Variants in ABLIM2 observed in about 807,000 individuals in gnomAD.
ABLIM2 encodes the protein actin-binding LIM protein 2.
Under a neutral mutation model 97.7 loss-of-function variants are expected in ABLIM2, and 53 were observed. The ratio of observed to expected loss-of-function variants is 0.54; its 90% CI spans 0.44 to 0.68. The LOEUF is 0.68. Ranked by LOEUF, ABLIM2 falls within the 30% of genes least tolerant of loss-of-function variation. ABLIM2 has a pLI of 0.00. For missense variants in ABLIM2, 835 were observed against 867.2 expected, an observed-to-expected ratio of 0.96 and a Z score of 0.47; for synonymous variants, 361 against 345.8, an observed-to-expected ratio of 1.04 and a Z score of -0.49.
At position 8,150,085 on chromosome 4, in the gene ABLIM2, G is replaced by A. The variant is rs1328004733; in HGVS notation, c.10+8595C>T. Among the ~76,000 whole-genome samples the A allele has an allele frequency of 6.6e-6, 1 of 152,202 alleles. No individual in the cohort carries two copies. The highest frequency in any genetic ancestry group is 1.5e-5 in the Non-Finnish European group (1 of 68,040). ...AGGGAGCCTAAATGGAGAGAGTTGT[G>A]GGGCAAAGGGGTTGGAACATCATGA... On this transcript the variant is annotated intron_variant, in intron 1 of 20. Transcript: ENST00000447017. The surrounding 1 kb of genome is among the most constrained non-coding windows in gnomAD (Gnocchi z 6.3).
Position 7,992,858 on chromosome 4 carries a change from G to A in ABLIM2, c.1680+8C>T. On this transcript the variant is annotated splice_region_variant and intron_variant, in intron 17 of 20. Transcript: ENST00000447017. This position sits in a 1 kb window ranked among gnomAD's most constrained non-coding sequence, Gnocchi z 5.7. Reference sequence around the variant, plus strand: ...GTACCCTGTGGCCAGGGAGGGGTCAGTACCTACCCGCTGGTCCAAGCCATT... The same window carrying A: ...GTACCCTGTGGCCAGGGAGGGGTCAATACCTACCCGCTGGTCCAAGCCATT... The A allele has an allele frequency of 1.2e-6, 2 of 1,611,904 alleles. No homozygotes were observed. The highest frequency in any genetic ancestry group is 1.7e-6 in the Non-Finnish European group (2 of 1,179,266).
At position 8,091,638 on chromosome 4, in the gene ABLIM2, T is replaced by A. The variant is rs1828420703; in HGVS notation, c.339-3354A>T. ...ATAATTTTATATAAAATTATATATA[T>A]AATTTTATATATTATATAATTATAT... is the stretch of plus-strand genomic sequence containing the variant. On this transcript the variant is annotated intron_variant, in intron 3 of 20. Coordinates refer to ENST00000447017, the MANE Select transcript of ABLIM2 (RefSeq NM_001130083.2). Among the ~76,000 whole-genome samples the A allele has an allele frequency of 5.0e-5, 3 of 59,544 alleles. 1 individual carries two copies. Among genetic ancestry groups the A allele is most frequent in the African/African-American group, 7.1e-5 (1 of 14,042 alleles). The allele number at this position is 59,544 out of a possible 152,430, so 39.1% of individuals were successfully genotyped here. A position where few individuals can be genotyped will look rare whatever the true frequency, so the allele number is the denominator to read the frequency against.
At chr4:8,038,752 G>A (rs1469493296) in intron 9 of ABLIM2, among the ~76,000 whole-genome samples, 1 of 152,188 alleles carries the variant, frequency 6.6e-6, no homozygotes, top group African/African-American at 2.4e-5. Flanking sequence ...AAAGACCCGA[G>A]ATCCAATCCC....
intron 1 of ABLIM2, among the ~76,000 whole-genome samples, chr4:8,135,585 C>A (rs1656540065): frequency 6.6e-6 from 1 of 152,226 alleles, no homozygotes; most frequent in Non-Finnish European, 1.5e-5. Flanking sequence ...CAGTCCTTTC[C>A]AGACACTGCA....
intron 10 of ABLIM2, among the ~76,000 whole-genome samples, chr4:8,035,561 C>A (rs942921153): frequency 1.3e-5 from 2 of 152,224 alleles, no homozygotes; most frequent in Admixed American, 1.3e-4. Context: ...AACCTCAGAA[C>A]CACAAGAGGA....
intron 1 of ABLIM2, among the ~76,000 whole-genome samples, chr4:8,157,487 C>T (rs1715737488): frequency 6.6e-6 from 1 of 152,244 alleles, no homozygotes; most frequent in Non-Finnish European, 1.5e-5. Context: ...TTGCTCTCAG[C>T]TACTCCCAAA....
At chr4:8,106,837 G>C (rs971910196) in intron 1 of ABLIM2, among the ~76,000 whole-genome samples, 200 bp from the exon 2 acceptor site, 3 of 152,258 alleles carry the variant, frequency 2.0e-5, no homozygotes, top group Non-Finnish European at 4.4e-5. Context: ...GCAGGGGTTA[G>C]GGGCCAGAGG....
chr4:8,030,809 T>C, intron 10 of ABLIM2, among the ~76,000 whole-genome samples: 1 of 152,166 alleles, frequency 6.6e-6, no homozygotes, highest in East Asian at 1.9e-4. Context: ...TACATGTGGG[T>C]TTGGCAGCTC....
intron 1 of ABLIM2, among the ~76,000 whole-genome samples, chr4:8,158,158 C>T (rs1205636318): frequency 2.6e-5 from 4 of 152,206 alleles, no homozygotes; most frequent in African/African-American, 9.6e-5. Flanking sequence ...CTGACACATG[C>T]GGGCTCCGGG....
chr4:8,098,793 GC>G (rs1236280066), intron 2 of ABLIM2, among the ~76,000 whole-genome samples: 1 of 152,196 alleles, frequency 6.6e-6, no homozygotes, highest in African/African-American at 2.4e-5. Context: ...CATCCCGTGA[GC>G]CAGTGCGATG....
At chr4:8,059,622 C>T (rs183109074) in intron 7 of ABLIM2, among the ~76,000 whole-genome samples, 3 of 152,140 alleles carry the variant, frequency 2.0e-5, no homozygotes, top group African/African-American at 4.8e-5. Flanking sequence ...CTTTGATGGC[C>T]GGGGCATGGT....
intron 1 of ABLIM2, among the ~76,000 whole-genome samples, chr4:8,145,599 C>T (rs1851661531): frequency 6.6e-6 from 1 of 152,132 alleles, no homozygotes; most frequent in Admixed American, 6.5e-5. Flanking sequence ...TCTGCTGGAG[C>T]CCTGCTGGGT....
intron 16 of ABLIM2, chr4:8,007,108 T>C: frequency 2.0e-6 from 2 of 985,460 alleles, no homozygotes; most frequent in Non-Finnish European, 2.4e-6. Context: ...TTGAAACACT[T>C]TTCTACTTTC....
rs1845908232 is a variant in ABLIM2, at chr4:8,122,457, C to A, written c.11-15820G>T. Among the ~76,000 whole-genome samples, 1 of 152,200 alleles carries A rather than the reference C, an allele frequency of 6.6e-6. No individual in the cohort carries two copies. The highest frequency in any genetic ancestry group is 2.4e-5 in the African/African-American group (1 of 41,448). On this transcript the variant is annotated intron_variant, in intron 1 of 20. Coordinates refer to ENST00000447017, the MANE Select transcript of ABLIM2 (RefSeq NM_001130083.2). This position sits in a 1 kb window ranked among gnomAD's most constrained non-coding sequence, Gnocchi z 4.1. ...ATTAGGGCAGCAGCATGCTCGGTCC[C>A]TGGTGAGGGCTCCCTTCCTGGCTTG...
intron 6 of ABLIM2, among the ~76,000 whole-genome samples, chr4:8,070,044 T>G (rs1159590356): frequency 6.6e-6 from 1 of 151,984 alleles, no homozygotes; most frequent in East Asian, 1.9e-4. Context: ...GCTTTGTGTG[T>G]GTATGTATCT....
intron 1 of ABLIM2, among the ~76,000 whole-genome samples, chr4:8,141,073 C>T (rs577465514): frequency 1.3e-5 from 2 of 152,204 alleles, no homozygotes; most frequent in Admixed American, 6.5e-5. Flanking sequence ...TAGATATTCT[C>T]GCCATCCTGC....
Position 8,021,321 on chromosome 4 carries a change from C to T in ABLIM2, c.1268-1018G>A, listed in dbSNP as rs1773550448. ...GAGGTGACCTGGGTGACGCCCCTCC[C>T]CCCACACCTGTTTGGGGAATGAGGT... On this transcript the variant is annotated intron_variant, in intron 12 of 20. Transcript: ENST00000447017. This position sits in a 1 kb window ranked among gnomAD's most constrained non-coding sequence, Gnocchi z 5.5. 6.6e-6 allele frequency among the ~76,000 whole-genome samples: 1 copy of T among 152,138 alleles called. No homozygotes were observed. The highest frequency in any genetic ancestry group is 1.5e-5 in the Non-Finnish European group (1 of 68,020).
chr4:8,020,168 G>T, intron 13 of ABLIM2, 34 bp downstream of exon 13: 1 of 1,592,278 alleles, frequency 6.3e-7, no homozygotes, highest in Non-Finnish European at 8.6e-7. Flanking sequence ...CAGTTTCAGT[G>T]TAAGGAGCCC....
chr4:8,151,802 G>C (rs1712903195), intron 1 of ABLIM2, among the ~76,000 whole-genome samples: 1 of 150,994 alleles, frequency 6.6e-6, no homozygotes, highest in African/African-American at 2.4e-5. Flanking sequence ...AGCAGGGGGA[G>C]AGGCACTGCC....
Sources: allele counts gnomAD v4.1 joint callset (sites outside exome capture counted in the v4.1 genomes callset), GRCh38; gene constraint gnomAD v4.1.1; non-coding constraint Gnocchi (gnomAD v3.1); transcripts MANE v1.5; gene names NCBI Gene and HGNC (gene_info 2026-07-23, HGNC 2026-07-21).